CCDC152: variants seen among roughly 807,000 people sequenced by gnomAD.
CCDC152 encodes coiled-coil domain containing 152, also known as coiled-coil domain-containing protein 152.
In CCDC152, 37 loss-of-function variants were observed where a neutral mutation model predicts 38.1. That is an observed-to-expected ratio of 0.97 (90% CI 0.75 to 1.28). The LOEUF is 1.28. Among genes scored for constraint, CCDC152 ranks in the 50% most tolerant of loss-of-function variants. CCDC152 has a pLI of 0.00. For missense variants in CCDC152, 259 were observed against 292.1 expected, an observed-to-expected ratio of 0.89 and a Z score of 0.83; for synonymous variants, 83 against 87.1, an observed-to-expected ratio of 0.95 and a Z score of 0.26.
At chr5:42,774,960 A>G (rs1243930795) in intron 4 of CCDC152, among the ~76,000 whole-genome samples, 3 of 151,922 alleles carry the variant, frequency 2.0e-5, no homozygotes, top group African/African-American at 7.2e-5. Flanking sequence ...ATAATTTCTC[A>G]GTTTCAGGAA....
intron 6 of CCDC152, among the ~76,000 whole-genome samples, chr5:42,787,025 T>C (rs1759929738): frequency 6.6e-6 from 1 of 152,058 alleles, no homozygotes; most frequent in Non-Finnish European, 1.5e-5. Context: ...TTTGATATAA[T>C]TTTATTTAAA....
chr5:42,765,294 G>T (rs1579706266), intron 3 of CCDC152, among the ~76,000 whole-genome samples: 7 of 152,252 alleles, frequency 4.6e-5, no homozygotes, highest in Admixed American at 3.3e-4. Context: ...AATATTCCAT[G>T]TTCTTGGATT....
In CCDC152 at chr5:42,800,595, T is replaced by C. The variant is rs146344231; in HGVS notation, c.*814T>C. 1 of 1,186,434 alleles carries C rather than the reference T, an allele frequency of 8.4e-7. No individual in the cohort carries two copies. Among genetic ancestry groups the C allele is most frequent in the Non-Finnish European group, 1.2e-6 (1 of 858,584 alleles). The allele number at this position is 1,186,434 out of a possible 1,614,324, so 73.5% of individuals were successfully genotyped here. On this transcript the variant is annotated 3_prime_UTR_variant, in exon 9 of 9. Coordinates refer to ENST00000361970, the MANE Select transcript of CCDC152 (RefSeq NM_001134848.2). ...ATTTAAAATCTGGAAGCCAATTCAG[T>C]AGATTTCTCCATGTTTGCACAAATC...
chr5:42,779,135 T>A (rs1759808071), intron 4 of CCDC152, among the ~76,000 whole-genome samples: 1 of 152,208 alleles, frequency 6.6e-6, no homozygotes, highest in Non-Finnish European at 1.5e-5. Context: ...CTTCTCTAAA[T>A]CCTTTCCTGA....
chr5:42,763,493 G>T lies in CCDC152; in HGVS notation c.193+945G>T, dbSNP rs186180461. On this transcript the variant is annotated intron_variant, in intron 3 of 8. Coordinates refer to ENST00000361970, the MANE Select transcript of CCDC152 (RefSeq NM_001134848.2). ...ATAGTGAAGACACAGTATGGAAAGG[G>T]TGAGGGTAGGGGAAAAGTAACTACA... 7.9e-4 allele frequency among the ~76,000 whole-genome samples: 120 copies of T among 152,176 alleles called. 3 individuals carry two copies. The highest frequency in any genetic ancestry group is 2.8e-3 in the African/African-American group (118 of 41,438).
At chr5:42,766,900 C>T (rs998109409) in intron 3 of CCDC152, among the ~76,000 whole-genome samples, 1 of 152,080 alleles carries the variant, frequency 6.6e-6, no homozygotes, top group African/African-American at 2.4e-5. Context: ...TTTAAAGTAA[C>T]TTAAAGAGTG....
At chr5:42,791,717 C>G in intron 6 of CCDC152, among the ~76,000 whole-genome samples, 1 of 152,202 alleles carries the variant, frequency 6.6e-6, no homozygotes, top group East Asian at 1.9e-4. Flanking sequence ...TCTAGCAGAG[C>G]ATTTGCCCCA....
At chr5:42,781,711 G>T (rs1759849250) in intron 5 of CCDC152, among the ~76,000 whole-genome samples, 1 of 151,938 alleles carries the variant, frequency 6.6e-6, no homozygotes, top group Admixed American at 6.6e-5. Flanking sequence ...ATTCATTCAA[G>T]AAATATATAT....
At position 42,801,318 on chromosome 5, in the gene CCDC152, T is replaced by C. The variant is rs572661051; in HGVS notation, c.*1537T>C. On this transcript the variant is annotated 3_prime_UTR_variant, in exon 9 of 9. Coordinates refer to ENST00000361970, the MANE Select transcript of CCDC152 (RefSeq NM_001134848.2). ...CAAAGATACACGTTTACAAAAGTCT[T>C]CATCTTTGAGAGTCTGGAACAAATT... 12 of 1,607,410 alleles carry C rather than the reference T, an allele frequency of 7.5e-6. No homozygotes were observed. The highest frequency in any genetic ancestry group is 5.1e-5 in the Admixed American group (3 of 59,338).
chr5:42,762,815 G>C (rs189538763), intron 3 of CCDC152, among the ~76,000 whole-genome samples: 2 of 152,028 alleles, frequency 1.3e-5, no homozygotes, highest in African/African-American at 4.8e-5. Context: ...AATAAGAAAT[G>C]GCCAATTGAA....
intron 6 of CCDC152, among the ~76,000 whole-genome samples, chr5:42,784,777 T>A (rs991089222): frequency 6.6e-6 from 1 of 152,172 alleles, no homozygotes; most frequent in Non-Finnish European, 1.5e-5. Flanking sequence ...AATTTTTGTG[T>A]ATGGTAAGGG....
At chr5:42,785,683 A>G (rs1759912150) in intron 6 of CCDC152, among the ~76,000 whole-genome samples, 1 of 151,962 alleles carries the variant, frequency 6.6e-6, no homozygotes, top group African/African-American at 2.4e-5. Context: ...GGTGGTGACA[A>G]TGGATATCCT....
chr5:42,801,143 TGGA>T lies in CCDC152; in HGVS notation c.*1367_*1369del. The T allele has an allele frequency of 6.2e-7, 1 of 1,614,212 alleles. No homozygotes were observed. The highest frequency in any genetic ancestry group is 8.5e-7 in the Non-Finnish European group (1 of 1,180,040). On this transcript the variant is annotated 3_prime_UTR_variant, in exon 9 of 9. Coordinates refer to ENST00000361970, the MANE Select transcript of CCDC152 (RefSeq NM_001134848.2). ...TGTGCTTATGGTGGTGATGAAGGCC[TGGA>T]GGAGCAGGATGAGTAGGAGCATTTG...
chr5:42,800,537 A>G lies in CCDC152; in HGVS notation c.*756A>G, dbSNP rs1760159477. The G allele has an allele frequency of 1.5e-6, 1 of 668,060 alleles. No individual in the cohort carries two copies. The highest frequency in any genetic ancestry group is 2.4e-6 in the Non-Finnish European group (1 of 422,876). The allele number at this position is 668,060 out of a possible 1,614,324, so 41.4% of individuals were successfully genotyped here. On this transcript the variant is annotated 3_prime_UTR_variant, in exon 9 of 9. Coordinates refer to ENST00000361970, the MANE Select transcript of CCDC152 (RefSeq NM_001134848.2). ...CCTTTCAGTTGCTCCATCATAAAAA[A>G]TATGGTTTGAGTCAATATTTCTATG... is the stretch of plus-strand genomic sequence containing the variant.
Position 42,762,496 on chromosome 5 carries a change from A to C in CCDC152, c.141A>C (p.Lys47Asn), listed in dbSNP as rs746625460. ...KNNILDIQLE[K>N]SNCLLKVMQA... is the part of the protein sequence containing the mutation. ...ATATACTGGATATTCAGTTGGAAAA[A>C]AGTAATTGCCTATTAAAAGTAATGC... The change falls in exon 3 of 9, where the codon AAA becomes AAC. Residue 47 changes from lysine to asparagine, a missense_variant. Lys to Asn is a moderately conservative substitution (Grantham distance 94). Coordinates refer to ENST00000361970, the MANE Select transcript of CCDC152 (RefSeq NM_001134848.2). 1.0e-5 allele frequency: 16 copies of C among 1,542,964 alleles called. No homozygotes were observed. In the African/African-American group the frequency reaches 2.2e-4, roughly 21 times the overall value.
At chr5:42,793,289 G>T (rs145910360) in intron 6 of CCDC152, among the ~76,000 whole-genome samples, 1 of 152,154 alleles carries the variant, frequency 6.6e-6, no homozygotes, top group Non-Finnish European at 1.5e-5. Flanking sequence ...TTGAGCAAAA[G>T]GATAGATTAT....
At chr5:42,794,459 C>G (rs1182909463) in intron 6 of CCDC152, among the ~76,000 whole-genome samples, 1 of 152,132 alleles carries the variant, frequency 6.6e-6, no homozygotes, top group Non-Finnish European at 1.5e-5. Flanking sequence ...TGAGATGATC[C>G]TTTGATAAGT....
At chr5:42,776,357 A>G (rs753572181) in intron 4 of CCDC152, among the ~76,000 whole-genome samples, 1 of 152,194 alleles carries the variant, frequency 6.6e-6, no homozygotes, top group Non-Finnish European at 1.5e-5. Flanking sequence ...GGGGTATTAC[A>G]TAATGATAAA....
At chr5:42,765,133 A>T (rs1276452314) in intron 3 of CCDC152, among the ~76,000 whole-genome samples, 2 of 152,230 alleles carry the variant, frequency 1.3e-5, no homozygotes, top group Non-Finnish European at 2.9e-5. Flanking sequence ...ACAGTGAACA[A>T]CCTAAAATAG....
Sources: gnomAD v4.1 joint callset for allele counts (sites outside exome capture counted in the v4.1 genomes callset) on GRCh38, gnomAD v4.1.1 for gene constraint, MANE v1.5 for transcripts, NCBI Gene and HGNC (gene_info 2026-07-23, HGNC 2026-07-21) for gene names.